The following ALPK1 variants were observed in gnomAD, a reference collection of about 807,000 sequenced individuals.
ALPK1 encodes alpha kinase 1.
ALPK1 carries 110 observed loss-of-function variants against 120.6 expected under a neutral mutation model. That is an observed-to-expected ratio of 0.91 (90% confidence interval 0.78 to 1.07). The LOEUF is 1.07. Among genes scored for constraint, ALPK1 ranks in the 50% least tolerant of loss-of-function variants. The probability of loss-of-function intolerance (pLI) is 0.00; values close to 1 mark genes in which losing one functional copy is unlikely to be tolerated. For missense variants in ALPK1, 1,498 were observed against 1,483.9 expected (o/e 1.01, Z -0.16); for synonymous variants, 582 against 560.3 (o/e 1.04, Z -0.55).
intron 2 of ALPK1, chr4:112,356,237 A>T (rs1456711519): frequency 2.6e-6 from 4 of 1,531,498 alleles, no homozygotes; most frequent in Admixed American, 3.3e-5. Context: ...TCTGCAGATG[A>T]ATGGCATCCT....
At chr4:112,382,800 C>A in intron 4 of ALPK1, 1 of 428,538 alleles carries the variant, frequency 2.3e-6, no homozygotes, top group Non-Finnish European at 4.2e-6. Context: ...TGAACCCTGT[C>A]ATCTTGAAAT....
intron 2 of ALPK1, chr4:112,352,700 G>C (rs1560649229): frequency 6.6e-6 from 1 of 152,072 alleles, no homozygotes; most frequent in African/African-American, 2.4e-5. Context: ...GATACAAAAG[G>C]CCAACTGTAT....
chr4:112,395,016 A>G (rs1468998423), intron 4 of ALPK1, among the ~76,000 whole-genome samples: 1 of 152,246 alleles, frequency 6.6e-6, no homozygotes, highest in East Asian at 1.9e-4. Flanking sequence ...TTATCTCCAT[A>G]TATCTGACTG....
chr4:112,340,432 T>C (rs1429411718), intron 2 of ALPK1, among the ~76,000 whole-genome samples: 4 of 152,216 alleles, frequency 2.6e-5, no homozygotes, highest in Admixed American at 2.0e-4. Flanking sequence ...AAAAGTGAAG[T>C]TAAATGCATA....
rs182477738 is a variant in ALPK1, at chr4:112,362,274, G to A, written c.-100-15404G>A. On this transcript the variant is annotated intron_variant, in intron 2 of 15. Coordinates refer to ENST00000650871, the MANE Select transcript of ALPK1 (RefSeq NM_025144.4). ...TGCCAGAAAAAGAATTCAGAAGGTC[G>A]ATTATTAAGCCAATCAAGGAGCCAC... Among the ~76,000 whole-genome samples the A allele has an allele frequency of 7.5e-4, 114 of 152,250 alleles. 2 individuals are homozygous for A. Among genetic ancestry groups the A allele is most frequent in the Non-Finnish European group, 1.6e-4 (11 of 68,022 alleles).
intron 2 of ALPK1, among the ~76,000 whole-genome samples, chr4:112,342,264 C>G (rs1729895723): frequency 6.6e-6 from 1 of 152,134 alleles, no homozygotes; most frequent in South Asian, 2.1e-4. Context: ...AAGGGGTGTA[C>G]AGTTTACATC....
At chr4:112,438,406 T>C (rs1447578175) in intron 12 of ALPK1, 78 bp from the exon 13 acceptor site, 3 of 1,376,230 alleles carry the variant, frequency 2.2e-6, no homozygotes, top group Non-Finnish European at 3.0e-6. Flanking sequence ...TGCATATGTC[T>C]TTTGATCTCC....
At chr4:112,384,908 G>A (rs933125770) in intron 4 of ALPK1, 1 of 152,204 alleles carries the variant, frequency 6.6e-6, no homozygotes, top group East Asian at 1.9e-4. Flanking sequence ...AAAAGCTGAT[G>A]GTCACTTTAC....
intron 2 of ALPK1, among the ~76,000 whole-genome samples, chr4:112,331,143 A>G (rs1020067971): frequency 6.6e-6 from 1 of 152,188 alleles, no homozygotes. Flanking sequence ...CATGTGGTTG[A>G]GTCCATGCAT....
intron 1 of ALPK1, among the ~76,000 whole-genome samples, chr4:112,300,490 C>T (rs965462115): frequency 7.2e-5 from 11 of 151,854 alleles, no homozygotes; most frequent in Admixed American, 3.9e-4. Flanking sequence ...AAAAGTTTTT[C>T]CTTCTTTTTA....
chr4:112,317,767 G>T (rs566878913), intron 2 of ALPK1, among the ~76,000 whole-genome samples: 3 of 152,120 alleles, frequency 2.0e-5, no homozygotes, highest in African/African-American at 4.8e-5. Context: ...AGTGGTTTTC[G>T]ATGATTTTTT....
intron 5 of ALPK1, among the ~76,000 whole-genome samples, chr4:112,416,096 C>T (rs1273769425): frequency 1.3e-5 from 2 of 152,166 alleles, no homozygotes; most frequent in Non-Finnish European, 2.9e-5. Context: ...CCCCAAACTT[C>T]AGTGTGCTCT....
Position 112,423,969 on chromosome 4 carries a change from T to A in ALPK1, c.501T>A (p.Ile167=). 1.2e-6 allele frequency: 2 copies of A among 1,614,026 alleles called. No individual in the cohort carries two copies. The highest frequency in any genetic ancestry group is 1.7e-6 in the Non-Finnish European group (2 of 1,180,010). The part of the protein sequence containing the change: ...NSGKLLKAEY[I]LSSLISNNGA... ...GAAAACTTTTAAAAGCAGAGTATAT[T>A]CTGAGCAGTCTAATAAGCAACAATG... The change falls in exon 6 of 16, where the codon ATT becomes ATA. Residue 167 remains isoleucine (I), a synonymous_variant. Transcript: ENST00000650871.
chr4:112,430,796 G>A lies in ALPK1; in HGVS notation c.1249G>A (p.Glu417Lys). 6.2e-7 allele frequency: 1 copy of A among 1,614,208 alleles called. No homozygotes were observed. Among genetic ancestry groups the A allele is most frequent in the East Asian group, 2.2e-5 (1 of 44,888 alleles). Reference protein sequence around the residue: ...EVMSVIAQVKEHLQVQSFSNV... With the variant: ...EVMSVIAQVKKHLQVQSFSNV... The stretch of plus-strand genomic sequence containing the variant: ...TATGTCTGTGATTGCCCAGGTGAAG[G>A]AACATTTACAAGTTCAAAGCTTCTC... Residue 417 changes from glutamate to lysine, a missense_variant, in exon 11 of 16, where the codon GAA (glutamate) becomes AAA (lysine). Glu to Lys is a moderately conservative substitution (Grantham distance 56). Coordinates refer to ENST00000650871, the MANE Select transcript of ALPK1 (RefSeq NM_025144.4).
At chr4:112,427,422 T>C in intron 8 of ALPK1, 148 bp from the exon 9 acceptor site, 1 of 177,436 alleles carries the variant, frequency 5.6e-6, no homozygotes, top group Non-Finnish European at 1.0e-5. Context: ...AATTGATTTT[T>C]AAAAATAGTA....
intron 4 of ALPK1, among the ~76,000 whole-genome samples, chr4:112,401,360 GA>G (rs978489496): frequency 6.6e-6 from 1 of 152,206 alleles, no homozygotes; most frequent in Non-Finnish European, 1.5e-5. Context: ...AAAGGTTGCA[GA>G]ATTGTTGGAT....
chr4:112,340,629 T>G (rs896759370), intron 2 of ALPK1, among the ~76,000 whole-genome samples: 1 of 152,174 alleles, frequency 6.6e-6, no homozygotes, highest in African/African-American at 2.4e-5. Flanking sequence ...GCTTACAGAG[T>G]AGATTCCCCC....
intron 2 of ALPK1, among the ~76,000 whole-genome samples, chr4:112,372,889 G>T (rs1173791927): frequency 6.6e-6 from 1 of 152,128 alleles, no homozygotes; most frequent in Non-Finnish European, 1.5e-5. Flanking sequence ...GAAAACATAA[G>T]CCTTTAGACA....
chr4:112,439,663 T>G, intron 13 of ALPK1, 23 bp from the exon 14 acceptor site: 1 of 1,586,862 alleles, frequency 6.3e-7, no homozygotes. Context: ...TATGCTGTAA[T>G]GTTTCTCATT....
Sources: allele counts gnomAD v4.1 joint callset (sites outside exome capture counted in the v4.1 genomes callset), GRCh38; gene constraint gnomAD v4.1.1; transcripts MANE v1.5; gene names NCBI Gene and HGNC (gene_info 2026-07-23, HGNC 2026-07-21).